MYLK: variants seen among roughly 807,000 people sequenced by gnomAD.
MYLK encodes the protein myosin light chain kinase, smooth muscle.
MYLK carries 106 observed loss-of-function variants against 203.4 expected under a neutral mutation model. The ratio of observed to expected loss-of-function variants is 0.52; its 90% confidence interval spans 0.45 to 0.61. The LOEUF (loss-of-function observed/expected upper bound fraction) is 0.61. Among genes scored for constraint, MYLK ranks in the 20% least tolerant of loss-of-function variants. The pLI is 0.00. For synonymous variants in MYLK, 867 were observed against 959.5 expected, an observed-to-expected ratio of 0.90 and a Z score of 1.78; for missense variants, 2,072 against 2,442.3, an observed-to-expected ratio of 0.85 and a Z score of 3.20.
chr3:123,758,973 T>C (rs767333792), intron 4 of MYLK, among the ~76,000 whole-genome samples: 5 of 152,158 alleles, frequency 3.3e-5, no homozygotes, highest in Non-Finnish European at 7.4e-5. Context: ...TATAGGCATA[T>C]GCCACTATGC....
intron 3 of MYLK, among the ~76,000 whole-genome samples, chr3:123,806,958 C>T (rs1011616261): frequency 6.6e-6 from 1 of 152,114 alleles, no homozygotes; most frequent in South Asian, 2.1e-4. Context: ...AACCACCGTG[C>T]CTGGCCAACA....
chr3:123,638,920 G>A (rs941517205), intron 28 of MYLK: 49 of 985,300 alleles, frequency 5.0e-5, no homozygotes, highest in Non-Finnish European at 5.8e-5. Flanking sequence ...GCTTAACTTC[G>A]CAGAGCTCAC....
chr3:123,641,606 C>T (rs1450262865), intron 27 of MYLK, among the ~76,000 whole-genome samples: 1 of 151,694 alleles, frequency 6.6e-6, no homozygotes, highest in Non-Finnish European at 1.5e-5. Context: ...TCCTGGTCTC[C>T]AGCGATTATC....
At chr3:123,856,500 T>C (rs929987703) in intron 2 of MYLK, among the ~76,000 whole-genome samples, 35 of 152,248 alleles carry the variant, frequency 2.3e-4, no homozygotes, top group African/African-American at 8.2e-4. Flanking sequence ...ATTCAAATAT[T>C]TATTGAGTAC....
At chr3:123,844,793 T>G (rs2066672434) in intron 2 of MYLK, among the ~76,000 whole-genome samples, 1 of 150,428 alleles carries the variant, frequency 6.6e-6, no homozygotes, top group African/African-American at 2.4e-5. Context: ...TCACCATTTC[T>G]GGGTAATATA....
In MYLK at chr3:123,778,336, C is replaced by T. The variant is rs2064154231; in HGVS notation, c.165+15341G>A. On this transcript the variant is annotated intron_variant, in intron 4 of 33. Transcript: ENST00000360304. ...TGGTGATAATAAGAATCATCAATCCCCATCTCTACTAAACAAAATACAAAA... is the reference window on the plus strand; with the variant it reads ...TGGTGATAATAAGAATCATCAATCCTCATCTCTACTAAACAAAATACAAAA... Among the ~76,000 whole-genome samples, 3 of 151,892 alleles carry T rather than the reference C, an allele frequency of 2.0e-5. No homozygotes were observed. In the South Asian group the frequency reaches 6.2e-4, roughly 32 times the overall value.
chr3:123,677,918 T>TATATATATATATATATATATATATACAC (rs1273803739), intron 20 of MYLK, among the ~76,000 whole-genome samples: 1 of 78,894 alleles, frequency 1.3e-5, no homozygotes, highest in Non-Finnish European at 2.2e-5. Flanking sequence ...TATATATATA[T>TATATATATATATATATATATATATACAC]ACACACACAC....
rs115397570 is a variant in MYLK at position 123,660,212 on chromosome 3, G to T, written c.3986-2784C>A. On this transcript the variant is annotated intron_variant, in intron 23 of 33. Transcript: ENST00000360304. ...AAAAGGAGATTCCAAAAAGCCTCTG[G>T]ACCCTCGCTCCAGGGCTCAAGACTT... 4.3e-3 allele frequency among the ~76,000 whole-genome samples: 649 copies of T among 152,300 alleles called. 6 individuals carry two copies. Among genetic ancestry groups the T allele is most frequent in the African/African-American group, 0.014 (586 of 41,556 alleles).
intron 16 of MYLK, among the ~76,000 whole-genome samples, chr3:123,703,950 G>A (rs1414363114): frequency 6.6e-6 from 1 of 152,248 alleles, no homozygotes; most frequent in Non-Finnish European, 1.5e-5. Flanking sequence ...TGAGGCTTTG[G>A]TGGTGGACAG....
intron 24 of MYLK, among the ~76,000 whole-genome samples, chr3:123,649,574 C>T (rs1460262573): frequency 6.6e-6 from 1 of 152,238 alleles, no homozygotes; most frequent in Admixed American, 6.5e-5. Context: ...CAACTTATAA[C>T]TGCTTCTAGT....
chr3:123,768,439 C>T (rs1259298623), intron 4 of MYLK, among the ~76,000 whole-genome samples: 1 of 152,182 alleles, frequency 6.6e-6, no homozygotes, highest in Non-Finnish European at 1.5e-5. Flanking sequence ...AGGGAAGACC[C>T]ATTCAGTAAG....
In MYLK at chr3:123,657,389, T is replaced by A. The variant is rs1284963237; in HGVS notation, c.4025A>T (p.Asp1342Val). ...CAGGGTCAGTGAGGAGCTCCGAATG[T>A]CAGAGGCACAAGGTGTGCCAGCTGG... ...DPPAGTPCAS[D>V]IRSSSLTLSW... The change falls in exon 24 of 34, where the codon GAC (aspartate) becomes GTC (valine). Residue 1342 changes from aspartate (D) to valine (V), a missense_variant. Asp to Val is a radical substitution (Grantham distance 152, BLOSUM62 -3). This residue lies in a region of MYLK where 524 missense variants were observed against 782.4 expected (regional missense o/e 0.67). Coordinates refer to ENST00000360304, the MANE Select transcript of MYLK (RefSeq NM_053025.4). 1.2e-6 allele frequency: 2 copies of A among 1,613,848 alleles called. No homozygotes were observed. The highest frequency in any genetic ancestry group is 1.7e-6 in the Non-Finnish European group (2 of 1,180,032).
At position 123,664,138 on chromosome 3, in the gene MYLK, T is replaced by C; in HGVS notation, c.3952A>G (p.Ser1318Gly). 1 of 1,614,118 alleles carries C rather than the reference T, an allele frequency of 6.2e-7. No individual in the cohort carries two copies. The highest frequency in any genetic ancestry group is 8.5e-7 in the Non-Finnish European group (1 of 1,179,966). The part of the protein sequence containing the change: ...YTLLVENKLG[S>G]RQAQVNLTVV... ...GTGAGGTTGACCTGGGCCTGCCTGC[T>C]GCCCAGCTTGTTCTCCACCAGCAGT... Residue 1318 changes from serine (S) to glycine (G), a missense_variant, in exon 23 of 34, where the codon AGC (serine) becomes GGC (glycine). Around this residue, in one of 3 missense-constraint regions of MYLK, gnomAD observed 524 missense variants for 782.4 expected, o/e 0.67. Coordinates refer to ENST00000360304, the MANE Select transcript of MYLK (RefSeq NM_053025.4).
intron 3 of MYLK, among the ~76,000 whole-genome samples, chr3:123,815,461 T>C (rs187950681): frequency 1.4e-4 from 21 of 152,286 alleles, no homozygotes; most frequent in African/African-American, 2.2e-4. Context: ...TTCAAAACGA[T>C]TGCTATCAAG....
At chr3:123,663,965 T>C in intron 23 of MYLK, 140 bp downstream of exon 23, 8 of 1,297,254 alleles carry the variant, frequency 6.2e-6, no homozygotes, top group African/African-American at 1.5e-5. Context: ...CGTGATCTTC[T>C]TTCTGTGGTG....
chr3:123,619,721 C>T (rs1420563928), intron 32 of MYLK, among the ~76,000 whole-genome samples: 2 of 152,112 alleles, frequency 1.3e-5, no homozygotes, highest in Admixed American at 6.5e-5. Flanking sequence ...TCAAATGACA[C>T]GATTCAGCAT....
At chr3:123,745,650 C>G (rs745589992) in intron 5 of MYLK, among the ~76,000 whole-genome samples, 40 of 152,020 alleles carry the variant, frequency 2.6e-4, no homozygotes, top group South Asian at 4.2e-4. Flanking sequence ...GATGAAGTAC[C>G]AAAGGCAGCT....
At chr3:123,626,289 C>T (rs2058144352) in intron 31 of MYLK, among the ~76,000 whole-genome samples, 1 of 152,064 alleles carries the variant, frequency 6.6e-6, no homozygotes, top group African/African-American at 2.4e-5. Flanking sequence ...AAGTTGGTAC[C>T]ACTATTATCC....
Position 123,733,913 on chromosome 3 carries a change from C to T in MYLK, c.1083G>A (p.Leu361=). ...RVQPEPRAPG[L]GVLSPSGEER... Reference sequence around the variant, plus strand: ...CTTCTCCAGAAGGTGATAGGACCCCCAGGCCTGGTGCTCTTGGTTCCGGCT... The same window carrying T: ...CTTCTCCAGAAGGTGATAGGACCCCTAGGCCTGGTGCTCTTGGTTCCGGCT... Residue 361 remains leucine, a synonymous_variant, in exon 10 of 34, where the codon CTG becomes CTA. Coordinates refer to ENST00000360304, the MANE Select transcript of MYLK (RefSeq NM_053025.4). 1 of 1,614,196 alleles carries T rather than the reference C, an allele frequency of 6.2e-7. No homozygotes were observed. The highest frequency in any genetic ancestry group is 8.5e-7 in the Non-Finnish European group (1 of 1,180,038).
Sources: gnomAD v4.1 joint callset for allele counts (sites outside exome capture counted in the v4.1 genomes callset) on GRCh38, gnomAD v4.1.1 for gene constraint, gnomAD v4.1.1 regional missense constraint, MANE v1.5 for transcripts, NCBI Gene and HGNC (gene_info 2026-07-23, HGNC 2026-07-21) for gene names.